Variants in KIDINS220 observed in about 807,000 individuals in gnomAD.
The protein encoded by KIDINS220 is kinase D-interacting substrate of 220 kDa.
A neutral mutation model predicts 157.6 loss-of-function variants in KIDINS220; 63 were observed. The observed-to-expected ratio is 0.40, with a 90% CI of 0.33 to 0.49. The LOEUF is 0.49. Among genes scored for constraint, KIDINS220 ranks in the 20% least tolerant of loss-of-function variants. The pLI is 0.66. For missense variants in KIDINS220, 1,772 were observed against 2,171.2 expected (o/e 0.82, Z 3.65); for synonymous variants, 732 against 783.6 (o/e 0.93, Z 1.10).
At chr2:8,760,766 A>T (rs1668644646) in intron 22 of KIDINS220, among the ~76,000 whole-genome samples, 1 of 152,226 alleles carries the variant, frequency 6.6e-6, no homozygotes, top group South Asian at 2.1e-4. Context: ...TATAATTTGA[A>T]TCAATAAACT....
At chr2:8,775,151 A>G (rs558389611) in intron 21 of KIDINS220, among the ~76,000 whole-genome samples, 5 of 152,322 alleles carry the variant, frequency 3.3e-5, no homozygotes, top group South Asian at 2.1e-4. Flanking sequence ...TAGGAAAGAC[A>G]TGGATGGATG....
intron 1 of KIDINS220, among the ~76,000 whole-genome samples, chr2:8,832,410 T>C (rs1164929523): frequency 6.6e-6 from 1 of 152,218 alleles, no homozygotes; most frequent in Non-Finnish European, 1.5e-5. Context: ...CCACATCTGT[T>C]GATACACACA....
chr2:8,827,974 A>G (rs1240605703), intron 1 of KIDINS220, among the ~76,000 whole-genome samples: 3 of 152,176 alleles, frequency 2.0e-5, no homozygotes. Flanking sequence ...TGTGACACTG[A>G]CAACACTGAG....
intron 26 of KIDINS220, among the ~76,000 whole-genome samples, chr2:8,743,700 A>T (rs991207941): frequency 6.6e-6 from 1 of 152,180 alleles, no homozygotes; most frequent in South Asian, 2.1e-4. Flanking sequence ...TCCCTCAGGT[A>T]AGTCTCACAC....
At chr2:8,796,225 T>C (rs1344681917) in intron 11 of KIDINS220, among the ~76,000 whole-genome samples, 1 of 152,122 alleles carries the variant, frequency 6.6e-6, no homozygotes, top group East Asian at 1.9e-4. Context: ...GGAAAACCAA[T>C]TTAAAGTACA....
chr2:8,739,373 T>C (rs922177103), intron 26 of KIDINS220, among the ~76,000 whole-genome samples: 3 of 152,174 alleles, frequency 2.0e-5, no homozygotes, highest in South Asian at 2.1e-4. Flanking sequence ...TTGGGCTTTA[T>C]ACAAGAGCTA....
chr2:8,761,857 T>G (rs1668783022), intron 22 of KIDINS220, among the ~76,000 whole-genome samples: 1 of 152,218 alleles, frequency 6.6e-6, no homozygotes, highest in Admixed American at 6.5e-5. Flanking sequence ...AGCTAGCATT[T>G]TTGTTACAAA....
At chr2:8,812,569 G>C in intron 5 of KIDINS220, 76 bp from the exon 6 acceptor site, 1 of 686,506 alleles carries the variant, frequency 1.5e-6, no homozygotes, top group Middle Eastern at 2.6e-4. Context: ...GAGGGAGGGA[G>C]GGAAGGAGAA....
chr2:8,823,565 C>T (rs1011183025), intron 2 of KIDINS220, among the ~76,000 whole-genome samples: 9 of 151,946 alleles, frequency 5.9e-5, no homozygotes, highest in African/African-American at 2.2e-4. Context: ...AATTAATATC[C>T]ATTAAATGCT....
chr2:8,829,203 T>C (rs1434160565), intron 1 of KIDINS220, among the ~76,000 whole-genome samples: 8 of 152,148 alleles, frequency 5.3e-5, no homozygotes, highest in South Asian at 2.1e-4. Flanking sequence ...ACAAGAGAAT[T>C]TGGCGAGTTA....
intron 8 of KIDINS220, 24 bp from the exon 9 acceptor site, chr2:8,800,522 A>C: frequency 1.3e-6 from 2 of 1,494,086 alleles, no homozygotes; most frequent in South Asian, 2.4e-5. Flanking sequence ...AAATAAAAAC[A>C]AAAACAAGGT....
chr2:8,751,403 G>A, intron 23 of KIDINS220, 63 bp downstream of exon 23: 3 of 1,387,602 alleles, frequency 2.2e-6, no homozygotes, highest in Non-Finnish European at 3.0e-6. Context: ...ACACAAATAA[G>A]TTAGAAACAT....
At position 8,800,375 on chromosome 2, in the gene KIDINS220, G is replaced by A. The variant is rs535496377; in HGVS notation, c.900+25C>T. The A allele has an allele frequency of 2.8e-6, 4 of 1,418,444 alleles. 1 individual carries two copies. In the Admixed American group the frequency reaches 5.6e-5, roughly 20 times the overall value. The allele number at this position is 1,418,444 out of a possible 1,614,324, so 87.9% of individuals were successfully genotyped here. On this transcript the variant is annotated intron_variant, in intron 9 of 29. Transcript: ENST00000256707. ...TTACATGCAATTATACTCTAAGATA[G>A]CAACTGCACTGTAATCACACATACC...
chr2:8,731,837 C>G lies in KIDINS220; in HGVS notation c.4199G>C (p.Gly1400Ala). 1 of 1,614,102 alleles carries G rather than the reference C, an allele frequency of 6.2e-7. No homozygotes were observed. The highest frequency in any genetic ancestry group is 1.1e-5 in the South Asian group (1 of 91,086). The change falls in exon 30 of 30, where the codon GGC becomes GCC. Residue 1400 changes from glycine to alanine, a missense_variant. Transcript: ENST00000256707. The surrounding 1 kb of genome is among the most constrained non-coding windows in gnomAD (Gnocchi z 5.2). ...GCCACTAATGGTTGTAGACCCGGGG[C>G]CCCCTTCTAACTGGGACATCTGAGC... is the stretch of plus-strand genomic sequence containing the variant. Reference protein sequence around the residue: ...YIAQMSQLEGGPGSTTISGRS... With the variant: ...YIAQMSQLEGAPGSTTISGRS...
chr2:8,743,072 T>C (rs1205038500), intron 26 of KIDINS220, among the ~76,000 whole-genome samples: 3 of 152,132 alleles, frequency 2.0e-5, no homozygotes, highest in African/African-American at 7.2e-5. Context: ...TTTGCTTCAC[T>C]GGGGTCACAG....
At position 8,729,620 on chromosome 2, in the gene KIDINS220, T is replaced by C. The variant is rs1663756060; in HGVS notation, c.*1100A>G. 1.0e-6 allele frequency: 1 copy of C among 978,732 alleles called. No homozygotes were observed. Among genetic ancestry groups the C allele is most frequent in the African/African-American group, 1.8e-5 (1 of 57,100 alleles). The allele number at this position is 978,732 out of a possible 1,614,324, so 60.6% of individuals were successfully genotyped here. On this transcript the variant is annotated 3_prime_UTR_variant, in exon 30 of 30. Coordinates refer to ENST00000256707, the MANE Select transcript of KIDINS220 (RefSeq NM_020738.4). ...TATATTTTACCCTTGCTTTGTTACA[T>C]GTTTCCAAATTTTTTTTTAAAAAGT...
chr2:8,753,747 C>T (rs1667658479), intron 22 of KIDINS220, among the ~76,000 whole-genome samples: 1 of 152,184 alleles, frequency 6.6e-6, no homozygotes. Context: ...GGGACTAGCA[C>T]TTTACTGCTC....
chr2:8,744,387 AAATATATATATATAATATATAT>A (rs1666191221), intron 26 of KIDINS220, among the ~76,000 whole-genome samples: 7 of 27,746 alleles, frequency 2.5e-4, no homozygotes, highest in African/African-American at 9.1e-4. Flanking sequence ...AAAAAAAAAA[AAATATATATATATAATATATAT>A]ATATATATAT....
chr2:8,830,668 C>T (rs58627119), intron 1 of KIDINS220, among the ~76,000 whole-genome samples: 11,356 of 152,216 alleles, frequency 0.075, 1,438 homozygotes, highest in African/African-American at 0.26. Context: ...ATGCGCCTGC[C>T]TCTGCCTCCC....
Sources: allele counts gnomAD v4.1 joint callset (sites outside exome capture counted in the v4.1 genomes callset), GRCh38; gene constraint gnomAD v4.1.1; non-coding constraint Gnocchi (gnomAD v3.1); transcripts MANE v1.5; gene names NCBI Gene and HGNC (gene_info 2026-07-23, HGNC 2026-07-21).